Variants in BAZ2B observed in about 807,000 individuals in gnomAD.
BAZ2B encodes bromodomain adjacent to zinc finger domain 2B, also known as bromodomain adjacent to zinc finger domain protein 2B.
BAZ2B carries 91 observed loss-of-function variants against 246.0 expected under a neutral mutation model. The observed-to-expected ratio is 0.37, with a 90% CI of 0.31 to 0.44. BAZ2B has a LOEUF of 0.44. Among genes scored for constraint, BAZ2B ranks in the 20% least tolerant of loss-of-function variants. The pLI is 1.00. For missense variants in BAZ2B, 2,332 were observed against 2,533.7 expected (o/e 0.92, Z 1.71); for synonymous variants, 855 against 860.0 (o/e 0.99, Z 0.10).
At chr2:159,595,391 A>G (rs1690449661) in intron 1 of BAZ2B, among the ~76,000 whole-genome samples, 1 of 152,070 alleles carries the variant, frequency 6.6e-6, no homozygotes, top group South Asian at 2.1e-4. Context: ...CTAAACATAC[A>G]CTTTTGTTTC....
the BAZ2B span, among the ~76,000 whole-genome samples, chr2:159,621,703 A>T: frequency 6.6e-6 from 1 of 152,204 alleles, no homozygotes; most frequent in African/African-American, 2.4e-5. Flanking sequence ...CACACATGGT[A>T]GTTCATGCCT....
At chr2:159,398,412 G>T (rs1307372902) in intron 18 of BAZ2B, 1 of 153,080 alleles carries the variant, frequency 6.5e-6, no homozygotes, top group Non-Finnish European at 1.5e-5. Context: ...TATTAACAAA[G>T]AAAAAGTTAT....
intron 2 of BAZ2B, among the ~76,000 whole-genome samples, chr2:159,555,079 T>A (rs2088899834): frequency 6.8e-6 from 1 of 146,498 alleles, no homozygotes; most frequent in Admixed American, 6.8e-5. Flanking sequence ...GGTGTGTGTG[T>A]GTGTGTGTGT....
At chr2:159,455,771 T>TG (rs2075684403) in intron 3 of BAZ2B, among the ~76,000 whole-genome samples, 1 of 143,726 alleles carries the variant, frequency 7.0e-6, no homozygotes, top group African/African-American at 2.5e-5. Context: ...TGGTTTTTTT[T>TG]TTTTTTTTTT....
At chr2:159,458,045 C>A (rs1387580166) in intron 3 of BAZ2B, among the ~76,000 whole-genome samples, 2 of 152,104 alleles carry the variant, frequency 1.3e-5, no homozygotes, top group Non-Finnish European at 2.9e-5. Flanking sequence ...GAGTCTCCAG[C>A]CACCCAGGCT....
At chr2:159,386,253 A>G in intron 22 of BAZ2B, 100 bp downstream of exon 22, 3 of 1,275,848 alleles carry the variant, frequency 2.4e-6, no homozygotes, top group Non-Finnish European at 3.1e-6. Flanking sequence ...ATGTGGAAAA[A>G]TTAGATCAAT....
At chr2:159,348,319 C>CA (rs541304274) in intron 30 of BAZ2B, among the ~76,000 whole-genome samples, 2,253 of 27,090 alleles carry the variant, frequency 0.083, 176 homozygotes, top group Non-Finnish European at 0.11. Flanking sequence ...GACTCTCTCA[C>CA]AAAAAAAAAA....
At chr2:159,530,321 A>G (rs1260242154) in intron 2 of BAZ2B, among the ~76,000 whole-genome samples, 1 of 152,218 alleles carries the variant, frequency 6.6e-6, no homozygotes, top group African/African-American at 2.4e-5. Flanking sequence ...ATTACTCTTC[A>G]GTATAGATCA....
At chr2:159,487,822 C>T (rs1232604683) in intron 2 of BAZ2B, among the ~76,000 whole-genome samples, 2 of 151,086 alleles carry the variant, frequency 1.3e-5, no homozygotes, top group Non-Finnish European at 2.9e-5. Context: ...ACAAAGCTTC[C>T]GAGGAGTCTG....
chr2:159,684,852 C>A, the BAZ2B span, among the ~76,000 whole-genome samples: 3 of 152,114 alleles, frequency 2.0e-5, no homozygotes, highest in East Asian at 3.8e-4. Context: ...TAGTAGTAAC[C>A]TTTTCATATA....
chr2:159,609,859 T>C (rs1381783227), intron 1 of BAZ2B, among the ~76,000 whole-genome samples: 2 of 151,998 alleles, frequency 1.3e-5, no homozygotes, highest in East Asian at 3.9e-4. Flanking sequence ...GAATGGTTTA[T>C]AATAGCTTGC....
intron 21 of BAZ2B, among the ~76,000 whole-genome samples, chr2:159,386,948 C>G (rs2062717541): frequency 6.6e-6 from 1 of 152,070 alleles, no homozygotes; most frequent in African/African-American, 2.4e-5. Flanking sequence ...GATTATATAA[C>G]TGGAGCAAAA....
At chr2:159,591,932 C>A (rs975498125) in intron 1 of BAZ2B, among the ~76,000 whole-genome samples, 3 of 152,088 alleles carry the variant, frequency 2.0e-5, no homozygotes, top group Admixed American at 6.5e-5. Flanking sequence ...CGAGGCTGGG[C>A]AGCAAGGCAA....
chr2:159,323,889 C>CA (rs1402841952), intron 36 of BAZ2B, among the ~76,000 whole-genome samples: 2 of 151,230 alleles, frequency 1.3e-5, no homozygotes, highest in Non-Finnish European at 2.9e-5. Flanking sequence ...ACCAATCAAT[C>CA]ATTTAAACGC....
intron 2 of BAZ2B, among the ~76,000 whole-genome samples, chr2:159,536,582 T>C (rs1309720674): frequency 6.6e-6 from 1 of 152,186 alleles, no homozygotes; most frequent in Non-Finnish European, 1.5e-5. Flanking sequence ...TCTGAATTTT[T>C]TGCATTTTAA....
the BAZ2B span, among the ~76,000 whole-genome samples, chr2:159,698,544 A>AAAC: frequency 6.8e-6 from 1 of 147,268 alleles, no homozygotes. Flanking sequence ...AAAACAAAGA[A>AAAC]AAAGAGAATG....
intron 27 of BAZ2B, among the ~76,000 whole-genome samples, chr2:159,370,712 T>A (rs1487793843): frequency 2.6e-5 from 4 of 152,112 alleles, no homozygotes; most frequent in African/African-American, 9.7e-5. Context: ...TTTGTCATTT[T>A]AAATTAGATC....
At chr2:159,526,226 A>G (rs1378954373) in intron 2 of BAZ2B, among the ~76,000 whole-genome samples, 1 of 152,210 alleles carries the variant, frequency 6.6e-6, no homozygotes, top group Non-Finnish European at 1.5e-5. Context: ...ACAAAAATTA[A>G]GCAAATGCCA....
At chr2:159,329,618 T>C (rs2064364962) in intron 34 of BAZ2B, among the ~76,000 whole-genome samples, 1 of 152,198 alleles carries the variant, frequency 6.6e-6, no homozygotes, top group Admixed American at 6.6e-5. Context: ...GGTGTATGTA[T>C]AGTATAAATA....
Sources: gnomAD v4.1 joint callset for allele counts (sites outside exome capture counted in the v4.1 genomes callset) on GRCh38, gnomAD v4.1.1 for gene constraint, MANE v1.5 for transcripts, NCBI Gene and HGNC (gene_info 2026-07-23, HGNC 2026-07-21) for gene names.